Variants in PCDHA2 observed in about 807,000 individuals in gnomAD.
PCDHA2 encodes protocadherin alpha-2.
Under a neutral mutation model 66.0 loss-of-function variants are expected in PCDHA2, and 58 were observed. The ratio of observed to expected loss-of-function variants is 0.88; its 90% CI spans 0.71 to 1.09. The LOEUF is 1.09. Among genes scored for constraint, PCDHA2 ranks in the 50% least tolerant of loss-of-function variants. PCDHA2 has a pLI of 0.00. For synonymous variants in PCDHA2, 634 were observed against 554.0 expected (o/e 1.14, Z -2.03); for missense variants, 1,267 against 1,242.3 (o/e 1.02, Z -0.30).
intron 3 of PCDHA2, among the ~76,000 whole-genome samples, chr5:140,993,009 G>C (rs1228975075): frequency 3.9e-5 from 6 of 152,172 alleles, no homozygotes; most frequent in Non-Finnish European, 8.8e-5. Flanking sequence ...CCTCCCCAGA[G>C]TCCAGCATCC....
In PCDHA2 at chr5:140,857,157, T is replaced by C. The variant is rs1371246447; in HGVS notation, c.2388+59805T>C. The C allele has an allele frequency of 5.6e-6, 9 of 1,598,272 alleles. 1 individual carries two copies. The Middle Eastern group carries it at 5.0e-4, about 88-fold the overall frequency. On this transcript the variant is annotated intron_variant, in intron 1 of 3. Transcript: ENST00000526136. ...GCTCAAGTGGGCACCGTCATTGCCC[T>C]AATCAGCGTTTCTGACCATGATTCA... is the stretch of plus-strand genomic sequence containing the variant.
chr5:140,987,563 T>C (rs2097259374), intron 3 of PCDHA2, among the ~76,000 whole-genome samples: 1 of 152,226 alleles, frequency 6.6e-6, no homozygotes, highest in Non-Finnish European at 1.5e-5. Context: ...ATTCTCAGTT[T>C]CTTTCTCTAT....
intron 1 of PCDHA2, chr5:140,804,945 T>C: frequency 2.4e-6 from 3 of 1,265,422 alleles, no homozygotes. Flanking sequence ...TGTTGCTCCC[T>C]TGTCCATGAA....
intron 1 of PCDHA2, chr5:140,805,368 C>A: frequency 8.6e-7 from 1 of 1,156,780 alleles, no homozygotes; most frequent in Non-Finnish European, 1.1e-6. Context: ...TGGGTCCCCA[C>A]ATAGTGAAAG....
chr5:140,808,930 GC>G, intron 1 of PCDHA2: 1 of 1,613,744 alleles, frequency 6.2e-7, no homozygotes, highest in Non-Finnish European at 8.5e-7. Context: ...GCGAGCTGGT[GC>G]CATGGTCGGT....
chr5:140,998,547 A>C (rs1173862918), intron 3 of PCDHA2, among the ~76,000 whole-genome samples: 4 of 150,288 alleles, frequency 2.7e-5, no homozygotes, highest in African/African-American at 9.8e-5. Flanking sequence ...TCCTAATTTA[A>C]TGTCTAATTT....
intron 3 of PCDHA2, among the ~76,000 whole-genome samples, chr5:140,993,524 A>ACGGG (rs2097569997): frequency 2.0e-5 from 3 of 147,314 alleles, no homozygotes; most frequent in Admixed American, 2.0e-4. Flanking sequence ...AGAGAGAGAC[A>ACGGG]GAGAGAGAGA....
chr5:140,947,315 C>T (rs116397497), intron 1 of PCDHA2, among the ~76,000 whole-genome samples: 3,556 of 151,556 alleles, frequency 0.023, 49 homozygotes, highest in Middle Eastern at 0.034. Flanking sequence ...TGTAAAAAGT[C>T]GGTTGACCAT....
intron 1 of PCDHA2, chr5:140,862,547 G>T: frequency 2.2e-6 from 1 of 455,636 alleles, no homozygotes; most frequent in South Asian, 1.7e-5. Context: ...CGTGGAAGTG[G>T]CCGAACAGTG....
rs143010081 is a variant in PCDHA2, at chr5:140,796,804, G to A, written c.1840G>A (p.Gly614Ser). 6.2e-7 allele frequency: 1 copy of A among 1,614,136 alleles called. No homozygotes were observed. Among genetic ancestry groups the A allele is most frequent in the Non-Finnish European group, 8.5e-7 (1 of 1,179,976 alleles). ...NAWLSYELQL[G>S]TGSARIPFRV... is the part of the protein sequence containing the mutation. ...GTGGCTTTCGTACGAGCTTCAGCTGGGTACTGGCAGCGCTCGCATCCCGTT... is the reference window on the plus strand; with the variant it reads ...GTGGCTTTCGTACGAGCTTCAGCTGAGTACTGGCAGCGCTCGCATCCCGTT... The change falls in exon 1 of 4, where the codon GGT becomes AGT. Residue 614 changes from glycine to serine, a missense_variant. Gly to Ser is a moderately conservative substitution (Grantham distance 56). Transcript: ENST00000526136.
At chr5:140,937,718 C>T (rs538350541) in intron 1 of PCDHA2, among the ~76,000 whole-genome samples, 1 of 152,076 alleles carries the variant, frequency 6.6e-6, no homozygotes, top group South Asian at 2.1e-4. Context: ...CAAGACCATC[C>T]TGGCTAACAC....
At chr5:140,802,572 G>A (rs1312440472) in intron 1 of PCDHA2, 1 of 1,613,778 alleles carries the variant, frequency 6.2e-7, no homozygotes, top group African/African-American at 1.3e-5. Flanking sequence ...CTCGCAGTCC[G>A]AGTACACGGT....
chr5:140,814,568 G>A (rs1554126549), intron 1 of PCDHA2: 1 of 151,628 alleles, frequency 6.6e-6, no homozygotes. Flanking sequence ...CAAGTATTAT[G>A]TACTGTAAAT....
chr5:140,841,934 G>T lies in PCDHA2; in HGVS notation c.2388+44582G>T, dbSNP rs1281777181. 5 of 1,613,780 alleles carry T rather than the reference G, an allele frequency of 3.1e-6. No individual in the cohort carries two copies. In the African/African-American group the frequency reaches 6.7e-5, roughly 22 times the overall value. ...AAGAAAATCCTTGGACAGAGAGGAC[G>T]CTCCTGCGCACCACTTATTCCTGAC... On this transcript the variant is annotated intron_variant, in intron 1 of 3. Transcript: ENST00000526136.
chr5:140,969,542 C>T, intron 1 of PCDHA2: 1 of 1,279,490 alleles, frequency 7.8e-7, no homozygotes, highest in South Asian at 1.6e-5. Flanking sequence ...TTTTCAGAGG[C>T]ATGAAGCCTT....
intron 1 of PCDHA2, chr5:140,828,572 G>A: frequency 3.1e-6 from 5 of 1,614,228 alleles, no homozygotes; most frequent in Non-Finnish European, 4.2e-6. Flanking sequence ...GTCCGATGCA[G>A]ATGTTGGCTC....
Position 140,796,513 on chromosome 5 carries a change from G to A in PCDHA2, c.1549G>A (p.Val517Met), listed in dbSNP as rs1762095542. 1 of 1,612,346 alleles carries A rather than the reference G, an allele frequency of 6.2e-7. No individual in the cohort carries two copies. Among genetic ancestry groups the A allele is most frequent in the Non-Finnish European group, 8.5e-7 (1 of 1,179,838 alleles). ...TTCGGTGCACGCGGAGAGCGGCAAGGTGTACGCGCTGCAGCCGCTGGACCA... is the reference window on the plus strand; with the variant it reads ...TTCGGTGCACGCGGAGAGCGGCAAGATGTACGCGCTGCAGCCGCTGGACCA... ...YVSVHAESGK[V>M]YALQPLDHEE... The change falls in exon 1 of 4, where the codon GTG becomes ATG. Residue 517 changes from valine (V) to methionine (M), a missense_variant. By Grantham distance (21) the Val-to-Met change is conservative (BLOSUM62 1). Transcript: ENST00000526136.
At chr5:140,857,216 C>T in intron 1 of PCDHA2, 1 of 1,598,490 alleles carries the variant, frequency 6.3e-7, no homozygotes, top group Non-Finnish European at 8.6e-7. Flanking sequence ...CTCTCTGACG[C>T]CTCACGTTCC....
At chr5:140,874,041 G>C (rs1385679236) in intron 1 of PCDHA2, among the ~76,000 whole-genome samples, 1 of 152,212 alleles carries the variant, frequency 6.6e-6, no homozygotes, top group African/African-American at 2.4e-5. Flanking sequence ...GAAACTTGGT[G>C]ATGATATTAG....
Sources: gnomAD v4.1 joint callset for allele counts (sites outside exome capture counted in the v4.1 genomes callset) on GRCh38, gnomAD v4.1.1 for gene constraint, MANE v1.5 for transcripts, NCBI Gene and HGNC (gene_info 2026-07-23, HGNC 2026-07-21) for gene names.